The following RNF207 variants were observed in gnomAD, a reference collection of about 807,000 sequenced individuals.
RNF207 encodes the protein OTTHUMG00000001089.
RNF207 carries 72 observed loss-of-function variants against 79.0 expected under a neutral mutation model. That is an observed-to-expected ratio of 0.91 (90% confidence interval 0.75 to 1.11). RNF207 has a LOEUF of 1.11. Among genes scored for constraint, RNF207 ranks in the 50% least tolerant of loss-of-function variants. The probability of loss-of-function intolerance (pLI) is 0.00; values close to 1 mark genes in which losing one functional copy is unlikely to be tolerated. For synonymous variants in RNF207, 348 were observed against 366.2 expected, an observed-to-expected ratio of 0.95 and a Z score of 0.57; for missense variants, 936 against 855.8, an observed-to-expected ratio of 1.09 and a Z score of -1.17.
intron 8 of RNF207, 122 bp from the exon 9 acceptor site, chr1:6,210,101 C>A: frequency 7.7e-7 from 1 of 1,303,120 alleles, no homozygotes; most frequent in Non-Finnish European, 1.1e-6. Flanking sequence ...AGGAGGGCAG[C>A]ATGGCTCAGG....
chr1:6,208,921 C>G lies in RNF207; in HGVS notation c.365C>G (p.Pro122Arg), dbSNP rs1169592512. Residue 122 changes from proline (P) to arginine (R), a missense_variant, in exon 4 of 18, where the codon CCC (proline) becomes CGC (arginine). Coordinates refer to ENST00000377939, the MANE Select transcript of RNF207 (RefSeq NM_207396.3). ...TTYFCNTCGQ[P>R]LCARCRDETH... ...TACTTCTGCAACACGTGCGGACAGC[C>G]CCTATGCGCGCGCTGCCGCGACGAG... The G allele has an allele frequency of 6.5e-7, 1 of 1,534,674 alleles. No individual in the cohort carries two copies. The highest frequency in any genetic ancestry group is 8.7e-7 in the Non-Finnish European group (1 of 1,145,652).
In RNF207 at chr1:6,209,406, G is replaced by A. The variant is rs753912599; in HGVS notation, c.628-8G>A. The A allele has an allele frequency of 6.6e-7, 1 of 1,523,312 alleles. No individual in the cohort carries two copies. Among genetic ancestry groups the A allele is most frequent in the South Asian group, 1.2e-5 (1 of 81,886 alleles). 94.4% of individuals were successfully genotyped at this position (1,523,312 alleles called of 1,614,324 possible). ...GCGATCGCGAGCCTGACCACGCCCT[G>A]TCCCCAGGCCGTGAAGGCCCTGCAG... On this transcript the variant is annotated splice_region_variant and splice_polypyrimidine_tract_variant and intron_variant, in intron 6 of 17. Coordinates refer to ENST00000377939, the MANE Select transcript of RNF207 (RefSeq NM_207396.3).
chr1:6,208,784 G>T, intron 3 of RNF207, 97 bp from the exon 4 acceptor site: 2 of 1,322,216 alleles, frequency 1.5e-6, no homozygotes, highest in Non-Finnish European at 2.0e-6. Flanking sequence ...ACCCGGCCAC[G>T]GCTGGGACAA....
Position 6,211,429 on chromosome 1 carries a change from G to C in RNF207, c.1109+311G>C, listed in dbSNP as rs935624811. Among the ~76,000 whole-genome samples, 2 of 152,156 alleles carry C rather than the reference G, an allele frequency of 1.3e-5. No homozygotes were observed. Among genetic ancestry groups the C allele is most frequent in the African/African-American group, 4.8e-5 (2 of 41,436 alleles). ...CCTCCCCTGGGGTGGGGCGCCTGGGGCTGGGCTGACCGCCACCTAGGTGGC... is the reference window on the plus strand; with the variant it reads ...CCTCCCCTGGGGTGGGGCGCCTGGGCCTGGGCTGACCGCCACCTAGGTGGC... On this transcript the variant is annotated intron_variant, in intron 12 of 17. Transcript: ENST00000377939. The surrounding 1 kb of genome is among the most constrained non-coding windows in gnomAD (Gnocchi z 4.2).
chr1:6,213,041 C>T, intron 15 of RNF207, 25 bp from the exon 16 acceptor site: 1 of 1,469,474 alleles, frequency 6.8e-7, no homozygotes, highest in East Asian at 2.3e-5. Context: ...GATTAAGACC[C>T]CATGCTCTGG....
chr1:6,210,631 G>A (rs548243235), intron 10 of RNF207, 193 bp downstream of exon 10: 1 of 627,832 alleles, frequency 1.6e-6, no homozygotes, highest in African/African-American at 1.8e-5. Flanking sequence ...AGCCAGGAAG[G>A]GGGCATGAGC....
chr1:6,206,705 G>C lies in RNF207; in HGVS notation c.170G>C (p.Arg57Pro). The change falls in exon 2 of 18, where the codon CGC becomes CCC. Residue 57 changes from arginine to proline, a missense_variant. Transcript: ENST00000377939. ...CTGCGTGGCCGCGCGACCGACGGCCGCCTCACCTGCCCGCTGTGCCAGTAA... is the reference window on the plus strand; with the variant it reads ...CTGCGTGGCCGCGCGACCGACGGCCCCCTCACCTGCCCGCTGTGCCAGTAA... ...GCLRGRATDG[R>P]LTCPLCQHQT... 6.2e-7 allele frequency: 1 copy of C among 1,601,584 alleles called. No homozygotes were observed. Among genetic ancestry groups the C allele is most frequent in the South Asian group, 1.1e-5 (1 of 90,996 alleles).
At chr1:6,214,424 A>T (rs1407287173) in intron 16 of RNF207, among the ~76,000 whole-genome samples, 4 of 149,480 alleles carry the variant, frequency 2.7e-5, no homozygotes, top group Non-Finnish European at 5.9e-5. Flanking sequence ...TCTTTTTGAG[A>T]TGGAGTCTTG....
intron 2 of RNF207, 40 bp downstream of exon 2, chr1:6,206,766 TC>T: frequency 6.6e-7 from 1 of 1,507,976 alleles, no homozygotes; most frequent in Non-Finnish European, 8.9e-7. Flanking sequence ...CCAGACCCCA[TC>T]CCCCGGGCCC....
At chr1:6,214,424 A>G (rs1407287173) in intron 16 of RNF207, among the ~76,000 whole-genome samples, 1 of 149,480 alleles carries the variant, frequency 6.7e-6, no homozygotes, top group East Asian at 2.0e-4. Flanking sequence ...TCTTTTTGAG[A>G]TGGAGTCTTG....
intron 7 of RNF207, 36 bp downstream of exon 7, chr1:6,209,575 C>G (rs908576915): frequency 7.0e-7 from 1 of 1,432,474 alleles, no homozygotes; most frequent in Non-Finnish European, 9.1e-7. Flanking sequence ...ACGACCCAGC[C>G]GGGACCTGGT....
At chr1:6,208,503 G>T in intron 3 of RNF207, 1 of 190,822 alleles carries the variant, frequency 5.2e-6, no homozygotes, top group Non-Finnish European at 1.1e-5. Flanking sequence ...ATTTTTATTA[G>T]AGACAGGGTT....
chr1:6,219,628 G>A lies in RNF207; in HGVS notation c.*221G>A, dbSNP rs1224907095. Reference sequence around the variant, plus strand: ...CTGCCTCAGCCTCCCGAGTAGCTGGGATTACAGGCGCCTGACACCACGCCC... The same window carrying A: ...CTGCCTCAGCCTCCCGAGTAGCTGGAATTACAGGCGCCTGACACCACGCCC... On this transcript the variant is annotated 3_prime_UTR_variant, in exon 18 of 18. Transcript: ENST00000377939. 3.4e-6 allele frequency: 1 copy of A among 293,204 alleles called. No individual in the cohort carries two copies. Among genetic ancestry groups the A allele is most frequent in the Non-Finnish European group, 6.4e-6 (1 of 155,042 alleles). 18.2% of individuals were successfully genotyped at this position (293,204 alleles called of 1,614,324 possible).
chr1:6,218,239 C>G (rs766552697), intron 16 of RNF207, 50 bp from the exon 17 acceptor site: 1 of 1,300,008 alleles, frequency 7.7e-7, no homozygotes, highest in Non-Finnish European at 1.1e-6. Flanking sequence ...TAAGGCCGTG[C>G]AGCAGCTGGC....
At position 6,220,790 on chromosome 1, in the gene RNF207, T is replaced by C. The variant is rs1668522564; in HGVS notation, c.*1383T>C. ...ATTTAGAGGAGCTTAATAAATGCTT[T>C]TTAAAAAGTAACCCACGTGACGTAA... On this transcript the variant is annotated 3_prime_UTR_variant, in exon 18 of 18. Transcript: ENST00000377939. 1 of 152,164 alleles carries C rather than the reference T, an allele frequency of 6.6e-6. No homozygotes were observed. Among genetic ancestry groups the C allele is most frequent in the African/African-American group, 2.4e-5 (1 of 41,386 alleles). The allele number at this position is 152,164 out of a possible 1,614,324, so 9.4% of individuals were successfully genotyped here.
chr1:6,211,135 G>A lies in RNF207; in HGVS notation c.1109+17G>A, dbSNP rs1668149702. On this transcript the variant is annotated intron_variant, in intron 12 of 17. Coordinates refer to ENST00000377939, the MANE Select transcript of RNF207 (RefSeq NM_207396.3). This position sits in a 1 kb window ranked among gnomAD's most constrained non-coding sequence, Gnocchi z 4.2. ...TGCTAACACGTGAGCAGCAACCGGG[G>A]AGGCCAGGCACAAGGTCCCCAACAC... 2 of 1,549,020 alleles carry A rather than the reference G, an allele frequency of 1.3e-6. No individual in the cohort carries two copies. The highest frequency in any genetic ancestry group is 1.7e-6 in the Non-Finnish European group (2 of 1,148,288).
At chr1:6,210,508 A>C in intron 10 of RNF207, 70 bp downstream of exon 10, 1 of 1,269,444 alleles carries the variant, frequency 7.9e-7, no homozygotes, top group Non-Finnish European at 1.1e-6. Flanking sequence ...AAAGCCACCA[A>C]CTCAGGGGTG....
In RNF207 at chr1:6,210,908, G is replaced by T. The variant is rs767250418; in HGVS notation, c.981G>T (p.Pro327=). Residue 327 remains proline, a synonymous_variant, in exon 11 of 18, where the codon CCG becomes CCT. Coordinates refer to ENST00000377939, the MANE Select transcript of RNF207 (RefSeq NM_207396.3). The part of the protein sequence containing the change: ...MERLQGIVTR[P]HHLRPIQSSK... ...GGCTGCAGGGCATCGTCACGCGGCCGCACCACCTAAGGCCTATTCAGAGCA... is the reference window on the plus strand; with the variant it reads ...GGCTGCAGGGCATCGTCACGCGGCCTCACCACCTAAGGCCTATTCAGAGCA... 1 of 1,605,828 alleles carries T rather than the reference G, an allele frequency of 6.2e-7. No homozygotes were observed. The highest frequency in any genetic ancestry group is 8.5e-7 in the Non-Finnish European group (1 of 1,177,024).
chr1:6,213,318 C>G (rs1328191088), intron 16 of RNF207, 135 bp downstream of exon 16: 1 of 556,144 alleles, frequency 1.8e-6, no homozygotes, highest in Admixed American at 3.2e-5. Flanking sequence ...GTCAGCAGTT[C>G]GAGACCAGCC....
Sources: allele counts gnomAD v4.1 joint callset (sites outside exome capture counted in the v4.1 genomes callset), GRCh38; gene constraint gnomAD v4.1.1; non-coding constraint Gnocchi (gnomAD v3.1); transcripts MANE v1.5; gene names NCBI Gene and HGNC (gene_info 2026-07-23, HGNC 2026-07-21).